PRKN: variants seen among roughly 807,000 people sequenced by gnomAD.
PRKN encodes parkin RBR E3 ubiquitin protein ligase.
In PRKN, 56 loss-of-function variants were observed where a neutral mutation model predicts 59.5. The observed-to-expected ratio is 0.94, with a 90% CI of 0.76 to 1.18. PRKN has a LOEUF of 1.18. PRKN is among the 50% of genes most tolerant of loss of function. The probability of loss-of-function intolerance (pLI) is 0.00; values close to 1 mark genes in which losing one functional copy is unlikely to be tolerated. For synonymous variants in PRKN, 250 were observed against 222.1 expected, an observed-to-expected ratio of 1.13 and a Z score of -1.12; for missense variants, 657 against 596.4, an observed-to-expected ratio of 1.10 and a Z score of -1.06.
chr6:162,602,463 AAG>A (rs1781749881), intron 1 of PRKN, among the ~76,000 whole-genome samples: 1 of 152,200 alleles, frequency 6.6e-6, no homozygotes, highest in South Asian at 2.1e-4. Flanking sequence ...TTGGAGAATT[AAG>A]AGTTTGTTGT....
intron 4 of PRKN, among the ~76,000 whole-genome samples, chr6:162,088,562 C>G (rs999260795): frequency 1.3e-5 from 2 of 152,084 alleles, no homozygotes; most frequent in African/African-American, 2.4e-5. Context: ...AGATTACAAT[C>G]TGGATCCTGA....
rs912896883 is a variant in PRKN, at chr6:162,201,132, T to C, written c.533A>G (p.Gln178Arg). 2 of 1,614,138 alleles carry C rather than the reference T, an allele frequency of 1.2e-6. No individual in the cohort carries two copies. The highest frequency in any genetic ancestry group is 1.7e-5 in the Admixed American group (1 of 60,016). The change falls in exon 4 of 12, where the codon CAG (glutamine) becomes CGG (arginine). Residue 178 changes from glutamine to arginine, a missense_variant and splice_region_variant. By Grantham distance (43) the Gln-to-Arg change is conservative. Transcript: ENST00000366898. Reference protein sequence around the residue: ...TCRQATLTLTQGPSCWDDVLI... With the variant: ...TCRQATLTLTRGPSCWDDVLI... ...CATGCTGACACTGCATTTCCTTACC[T>C]GGGTCAAGGTGAGCGTTGCCTGCCT...
chr6:162,717,331 CT>C (rs1195723497), intron 1 of PRKN, among the ~76,000 whole-genome samples: 16 of 152,046 alleles, frequency 1.1e-4, no homozygotes, highest in Non-Finnish European at 2.1e-4. Context: ...AATCTGACAA[CT>C]TTGGGAGACT....
intron 1 of PRKN, among the ~76,000 whole-genome samples, chr6:162,555,317 T>G (rs1779516784): frequency 6.6e-6 from 1 of 152,168 alleles, no homozygotes; most frequent in Non-Finnish European, 1.5e-5. Context: ...AAAATATTCT[T>G]TGAACCAAGA....
intron 4 of PRKN, among the ~76,000 whole-genome samples, chr6:162,171,296 G>A (rs1783261042): frequency 6.6e-6 from 1 of 152,096 alleles, no homozygotes; most frequent in Non-Finnish European, 1.5e-5. Context: ...CCCCAAGTTG[G>A]GAGATGGTAT....
rs1157932001 is a variant in PRKN at position 162,387,531 on chromosome 6, A to AACACAC, written c.171+55773_171+55778dup. Among the ~76,000 whole-genome samples, 87 of 121,980 alleles carry AACACAC rather than the reference A, an allele frequency of 7.1e-4. 1 individual carries two copies. Among genetic ancestry groups the AACACAC allele is most frequent in the East Asian group, 4.2e-3 (14 of 3,356 alleles). 80.0% of individuals were successfully genotyped at this position (121,980 alleles called of 152,430 possible). On this transcript the variant is annotated intron_variant, in intron 2 of 11. Coordinates refer to ENST00000366898, the MANE Select transcript of PRKN (RefSeq NM_004562.3). ...GTTTATTCTTATAAACCCTCCTCAC[A>AACACAC]ACACACACACACACACACACACACA...
chr6:162,404,656 G>A (rs1328347906), intron 2 of PRKN, among the ~76,000 whole-genome samples: 4 of 152,032 alleles, frequency 2.6e-5, no homozygotes, highest in Admixed American at 2.0e-4. Context: ...AGGTTCAAGC[G>A]ATTCTCCTAC....
At chr6:161,364,169 A>C (rs1785094841) in intron 10 of PRKN, among the ~76,000 whole-genome samples, 1 of 59,532 alleles carries the variant, frequency 1.7e-5, no homozygotes, top group Non-Finnish European at 3.5e-5. Context: ...ACTCCGTCTC[A>C]AAAAAAAAAA....
intron 6 of PRKN, among the ~76,000 whole-genome samples, chr6:161,929,750 A>T (rs1779103245): frequency 3.3e-5 from 5 of 151,978 alleles, no homozygotes; most frequent in Admixed American, 3.3e-4. Context: ...CTGACCACAA[A>T]TGATCTACCT....
chr6:162,183,507 C>T (rs147177541), intron 4 of PRKN, among the ~76,000 whole-genome samples: 205 of 152,346 alleles, frequency 1.3e-3, no homozygotes, highest in African/African-American at 4.7e-3. Flanking sequence ...GTCACCTCCC[C>T]TCCTGTCTTG....
intron 4 of PRKN, among the ~76,000 whole-genome samples, chr6:162,100,039 G>C (rs747554039): frequency 3.3e-5 from 5 of 152,202 alleles, no homozygotes; most frequent in Non-Finnish European, 5.9e-5. Flanking sequence ...GTTTTTCTGT[G>C]CCTGGCTCAT....
At chr6:162,084,231 G>A (rs551187946) in intron 4 of PRKN, among the ~76,000 whole-genome samples, 3 of 152,132 alleles carry the variant, frequency 2.0e-5, no homozygotes, top group Admixed American at 1.3e-4. Context: ...CAAAACCTGC[G>A]ATTACTTTTG....
intron 2 of PRKN, among the ~76,000 whole-genome samples, chr6:162,353,380 T>C (rs1583428055): frequency 6.6e-6 from 1 of 151,810 alleles, no homozygotes; most frequent in Non-Finnish European, 1.5e-5. Flanking sequence ...TGAAATTGAG[T>C]GCTAAGCATT....
At chr6:161,798,227 C>A (rs1290634042) in intron 6 of PRKN, among the ~76,000 whole-genome samples, 2 of 151,970 alleles carry the variant, frequency 1.3e-5, no homozygotes, top group Non-Finnish European at 2.9e-5. Context: ...CAAACCAAAC[C>A]AAACAAACAA....
intron 6 of PRKN, among the ~76,000 whole-genome samples, chr6:161,805,087 CA>C (rs975752094): frequency 6.6e-6 from 1 of 152,102 alleles, no homozygotes; most frequent in African/African-American, 2.4e-5. Flanking sequence ...CCTCCCACTA[CA>C]AAAGAATGCA....
At chr6:162,425,388 T>C (rs1426994542) in intron 2 of PRKN, among the ~76,000 whole-genome samples, 1 of 152,058 alleles carries the variant, frequency 6.6e-6, no homozygotes, top group African/African-American at 2.4e-5. Flanking sequence ...AGAGAAGCAA[T>C]ACACCCAGTC....
chr6:162,581,964 A>G (rs572570092), intron 1 of PRKN, among the ~76,000 whole-genome samples: 2 of 152,212 alleles, frequency 1.3e-5, no homozygotes, highest in African/African-American at 4.8e-5. Context: ...TTTCCCTCAC[A>G]TGACCTCTCT....
chr6:162,477,922 A>T (rs185869966), intron 1 of PRKN, among the ~76,000 whole-genome samples: 229 of 152,252 alleles, frequency 1.5e-3, no homozygotes, highest in Non-Finnish European at 1.1e-3. Flanking sequence ...ACTGTTTGTC[A>T]GCCTCATCCT....
At chr6:162,141,087 G>A (rs879778562) in intron 4 of PRKN, among the ~76,000 whole-genome samples, 4 of 151,910 alleles carry the variant, frequency 2.6e-5, no homozygotes, top group African/African-American at 7.3e-5. Context: ...CCGAGATCGC[G>A]CCACTGCACT....
Sources: gnomAD v4.1 joint callset for allele counts (sites outside exome capture counted in the v4.1 genomes callset) on GRCh38, gnomAD v4.1.1 for gene constraint, MANE v1.5 for transcripts, NCBI Gene and HGNC (gene_info 2026-07-23, HGNC 2026-07-21) for gene names.